CLEC4D: variants seen among roughly 807,000 people sequenced by gnomAD.
The protein encoded by CLEC4D is C-type (calcium dependent, carbohydrate-recognition domain) lectin, superfamily member 8.
A neutral mutation model predicts 21.1 loss-of-function variants in CLEC4D; 21 were observed. The observed-to-expected ratio is 1.00, with a 90% CI of 0.71 to 1.43. CLEC4D has a LOEUF of 1.43. Among genes scored for constraint, CLEC4D ranks in the 40% most tolerant of loss-of-function variants. CLEC4D has a pLI of 0.00. For synonymous variants in CLEC4D, 85 were observed against 83.1 expected, an observed-to-expected ratio of 1.02 and a Z score of -0.12; for missense variants, 289 against 260.7, an observed-to-expected ratio of 1.11 and a Z score of -0.75.
chr12:8,521,246 A>G lies in CLEC4D; in HGVS notation c.623A>G (p.Lys208Arg). 1 of 1,612,370 alleles carries G rather than the reference A, an allele frequency of 6.2e-7. No homozygotes were observed. The highest frequency in any genetic ancestry group is 2.2e-5 in the East Asian group (1 of 44,808). Residue 208 changes from lysine (K) to arginine (R), a missense_variant, in exon 6 of 6, where the codon AAA becomes AGA. Transcript: ENST00000299665. Reference protein sequence around the residue: ...PCNFEASRICKIPGTTLN With the variant: ...PCNFEASRICRIPGTTLN ...AACTTTGAAGCAAGTAGGATTTGTAAAATACCTGGAACAACATTGAACTAG... is the reference window on the plus strand; with the variant it reads ...AACTTTGAAGCAAGTAGGATTTGTAGAATACCTGGAACAACATTGAACTAG...
intron 2 of CLEC4D, among the ~76,000 whole-genome samples, chr12:8,515,772 A>G (rs996545424): frequency 2.6e-5 from 4 of 152,100 alleles, no homozygotes; most frequent in South Asian, 2.1e-4. Flanking sequence ...TACGATTGAC[A>G]TATGAAAACC....
At position 8,521,338 on chromosome 12, in the gene CLEC4D, A is replaced by G. The variant is rs1449668338; in HGVS notation, c.*67A>G. On this transcript the variant is annotated 3_prime_UTR_variant, in exon 6 of 6. Transcript: ENST00000299665. ...AACCAATTAGAATAAGGCAGAATGTACGTGCGTCATTGGAACACAGAAAAC... is the reference window on the plus strand; with the variant it reads ...AACCAATTAGAATAAGGCAGAATGTGCGTGCGTCATTGGAACACAGAAAAC... 1.3e-6 allele frequency: 2 copies of G among 1,539,538 alleles called. No individual in the cohort carries two copies. Among genetic ancestry groups the G allele is most frequent in the South Asian group, 2.5e-5 (2 of 79,722 alleles).
chr12:8,513,801 G>A lies in CLEC4D; in HGVS notation c.28+41G>A, dbSNP rs200317651. ...CCTTTCCATTTCAAAGAAGCAGATG[G>A]AATTATACTAATTTAAAACATATGA... is the stretch of plus-strand genomic sequence containing the variant. On this transcript the variant is annotated intron_variant, in intron 1 of 5. Transcript: ENST00000299665. 9.2e-5 allele frequency: 81 copies of A among 884,994 alleles called. No homozygotes were observed. In the East Asian group the frequency reaches 1.9e-3, roughly 21 times the overall value. The allele number at this position is 884,994 out of a possible 1,614,324, so 54.8% of individuals were successfully genotyped here. A position where few individuals can be genotyped will look rare whatever the true frequency, so the allele number is the denominator to read the frequency against.
At position 8,518,202 on chromosome 12, in the gene CLEC4D, G is replaced by A. The variant is rs1940407350; in HGVS notation, c.160G>A (p.Gly54Arg). ...HNFSRCKRGT[G>R]VHKLEHHAKL... Reference sequence around the variant, plus strand: ...CTTTTCACGCTGTAAGAGAGGCACAGGAGTGCACAAGTTAGAGCACCATGC... The same window carrying A: ...CTTTTCACGCTGTAAGAGAGGCACAAGAGTGCACAAGTTAGAGCACCATGC... Residue 54 changes from glycine to arginine, a missense_variant, in exon 3 of 6, where the codon GGA (glycine) becomes AGA (arginine). Physicochemically the swap from Gly to Arg is moderately radical, Grantham distance 125 (BLOSUM62 -2). Transcript: ENST00000299665. 3 of 1,419,524 alleles carry A rather than the reference G, an allele frequency of 2.1e-6. No homozygotes were observed. Among genetic ancestry groups the A allele is most frequent in the Non-Finnish European group, 2.0e-6 (2 of 1,002,608 alleles). The allele number at this position is 1,419,524 out of a possible 1,614,324, so 87.9% of individuals were successfully genotyped here.
At chr12:8,517,877 C>T (rs905196962) in intron 2 of CLEC4D, among the ~76,000 whole-genome samples, 4 of 152,080 alleles carry the variant, frequency 2.6e-5, no homozygotes, top group Admixed American at 1.3e-4. Context: ...ACCCGGGAGG[C>T]GGAGCTTGCA....
the CLEC4D span, among the ~76,000 whole-genome samples, chr12:8,527,935 G>A: frequency 6.6e-6 from 1 of 152,304 alleles, no homozygotes; most frequent in South Asian, 2.1e-4. Context: ...GCTCGGGGGA[G>A]GGGGTTCCCT....
chr12:8,518,296 CT>C, intron 3 of CLEC4D, 22 bp downstream of exon 3: 1 of 893,118 alleles, frequency 1.1e-6, no homozygotes, highest in Non-Finnish European at 1.9e-6. Context: ...AAGATAATTT[CT>C]TTTTTAATTT....
chr12:8,521,440 ATGTGTGTG>A lies in CLEC4D; in HGVS notation c.*181_*188del. 1 of 1,291,642 alleles carries A rather than the reference ATGTGTGTG, an allele frequency of 7.7e-7. No homozygotes were observed. Among genetic ancestry groups the A allele is most frequent in the Non-Finnish European group, 1.0e-6 (1 of 988,936 alleles). The allele number at this position is 1,291,642 out of a possible 1,614,324, so 80.0% of individuals were successfully genotyped here. A position where few individuals can be genotyped will look rare whatever the true frequency, so the allele number is the denominator to read the frequency against. On this transcript the variant is annotated 3_prime_UTR_variant, in exon 6 of 6. Coordinates refer to ENST00000299665, the MANE Select transcript of CLEC4D (RefSeq NM_080387.5). ...GATTCATTCGAGACAACATGTGTGT[ATGTGTGTG>A]TGTGTGTGTGTAGATAATGTGGTTT... is the stretch of plus-strand genomic sequence containing the variant.
At chr12:8,531,580 CCT>C in the CLEC4D span, among the ~76,000 whole-genome samples, 5 of 151,952 alleles carry the variant, frequency 3.3e-5, no homozygotes, top group East Asian at 9.7e-4. Context: ...TGCTAATTAC[CCT>C]GATTTGATTA....
At chr12:8,514,245 A>G (rs1940346227) in intron 1 of CLEC4D, among the ~76,000 whole-genome samples, 2 of 152,086 alleles carry the variant, frequency 1.3e-5, no homozygotes, top group African/African-American at 4.8e-5. Context: ...TCATCACCCT[A>G]CCATGGCAAA....
At chr12:8,527,990 T>G in the CLEC4D span, among the ~76,000 whole-genome samples, 2 of 152,130 alleles carry the variant, frequency 1.3e-5, no homozygotes, top group African/African-American at 4.8e-5. Context: ...CGCTCTGCTC[T>G]TTCTTCTCTC....
chr12:8,517,771 C>T (rs1267917396), intron 2 of CLEC4D, among the ~76,000 whole-genome samples: 1 of 151,982 alleles, frequency 6.6e-6, no homozygotes, highest in Non-Finnish European at 1.5e-5. Flanking sequence ...AAGGTGAAAC[C>T]CCGTCTCTAC....
chr12:8,523,449 C>G (rs916967261), downstream of CLEC4D, among the ~76,000 whole-genome samples: 10 of 152,096 alleles, frequency 6.6e-5, no homozygotes, highest in African/African-American at 2.4e-4. Context: ...ATTCTATTCT[C>G]ATTGTAGCAA....
intron 1 of CLEC4D, among the ~76,000 whole-genome samples, 159 bp from the exon 2 acceptor site, chr12:8,515,077 A>G (rs1375578567): frequency 6.6e-6 from 1 of 152,124 alleles, no homozygotes; most frequent in East Asian, 1.9e-4. Context: ...TTATTCATCA[A>G]TAAGCTCTAA....
chr12:8,520,439 T>A, intron 5 of CLEC4D, 98 bp downstream of exon 5: 1 of 1,491,118 alleles, frequency 6.7e-7, no homozygotes, highest in Non-Finnish European at 9.0e-7. Flanking sequence ...GATATAAAAA[T>A]GTTAAGAGAG....
intron 2 of CLEC4D, among the ~76,000 whole-genome samples, chr12:8,515,740 T>G (rs1314895461): frequency 6.6e-6 from 1 of 152,156 alleles, no homozygotes; most frequent in African/African-American, 2.4e-5. Flanking sequence ...TTTTTTCCTT[T>G]CTTTCAACCT....
chr12:8,523,889 T>C (rs192084237), downstream of CLEC4D, among the ~76,000 whole-genome samples: 1 of 152,338 alleles, frequency 6.6e-6, no homozygotes, highest in East Asian at 1.9e-4. Flanking sequence ...ACTTAGTTTA[T>C]TGAGAGTTTT....
downstream of CLEC4D, among the ~76,000 whole-genome samples, chr12:8,522,873 A>G (rs1206192384): frequency 1.3e-5 from 2 of 152,248 alleles, no homozygotes; most frequent in Middle Eastern, 3.4e-3. Context: ...TAATTTTTGT[A>G]TAAGGTGTAA....
downstream of CLEC4D, among the ~76,000 whole-genome samples, chr12:8,522,891 G>T (rs918170496): frequency 8.5e-5 from 13 of 152,070 alleles, no homozygotes; most frequent in African/African-American, 2.9e-4. Context: ...TAAGGAAAGA[G>T]CCCAGTTTCA....
Sources: gnomAD v4.1 joint callset for allele counts (sites outside exome capture counted in the v4.1 genomes callset) on GRCh38, gnomAD v4.1.1 for gene constraint, MANE v1.5 for transcripts, NCBI Gene and HGNC (gene_info 2026-07-23, HGNC 2026-07-21) for gene names.